The following PRR5L variants were observed in gnomAD, a reference collection of about 807,000 sequenced individuals.
PRR5L encodes proline-rich protein 5-like.
A neutral mutation model predicts 36.4 loss-of-function variants in PRR5L; 21 were observed. The ratio of observed to expected loss-of-function variants is 0.58; its 90% CI spans 0.41 to 0.83. PRR5L has a LOEUF of 0.83. Among genes scored for constraint, PRR5L ranks in the 40% least tolerant of loss-of-function variants. The pLI is 0.00. For synonymous variants in PRR5L, 188 were observed against 197.0 expected (o/e 0.95, Z 0.38); for missense variants, 381 against 473.3 (o/e 0.80, Z 1.81).
chr11:36,432,715 G>A (rs986112637), intron 5 of PRR5L, among the ~76,000 whole-genome samples: 3 of 152,066 alleles, frequency 2.0e-5, no homozygotes, highest in Non-Finnish European at 2.9e-5. Flanking sequence ...CGAACATACC[G>A]GACCCTTTCT....
chr11:36,397,102 C>G (rs1811609208), intron 1 of PRR5L, among the ~76,000 whole-genome samples: 1 of 141,592 alleles, frequency 7.1e-6, no homozygotes, highest in Non-Finnish European at 1.5e-5. Flanking sequence ...GAGTCTTGCT[C>G]TGTTGCCCAG....
intron 1 of PRR5L, among the ~76,000 whole-genome samples, chr11:36,360,054 CACACACACAT>C (rs1857069349): frequency 1.7e-5 from 2 of 114,344 alleles, no homozygotes; most frequent in African/African-American, 3.6e-5. Context: ...CACACACACA[CACACACACAT>C]ACACACACAC....
At chr11:36,446,972 T>A (rs879285177) in intron 7 of PRR5L, among the ~76,000 whole-genome samples, 1 of 152,176 alleles carries the variant, frequency 6.6e-6, no homozygotes, top group Non-Finnish European at 1.5e-5. Context: ...GGTCTTTTTC[T>A]CCCTGCAGGC....
At chr11:36,411,586 A>C (rs929277428) in intron 3 of PRR5L, among the ~76,000 whole-genome samples, 7 of 151,778 alleles carry the variant, frequency 4.6e-5, no homozygotes, top group African/African-American at 1.7e-4. Flanking sequence ...CCCTTTTTCT[A>C]GCTCAGTGGC....
intron 8 of PRR5L, among the ~76,000 whole-genome samples, chr11:36,457,846 C>T (rs1001393483): frequency 2.6e-5 from 4 of 152,152 alleles, no homozygotes; most frequent in African/African-American, 9.7e-5. Flanking sequence ...GGTTTCCCAA[C>T]AGCAATCTGA....
At chr11:36,324,323 A>G (rs1856639899) in intron 1 of PRR5L, among the ~76,000 whole-genome samples, 1 of 152,204 alleles carries the variant, frequency 6.6e-6, no homozygotes, top group African/African-American at 2.4e-5. Flanking sequence ...AATTTAGATA[A>G]TGTTAAAGAA....
intron 6 of PRR5L, among the ~76,000 whole-genome samples, chr11:36,443,207 G>A (rs184632822): frequency 9.9e-4 from 151 of 152,266 alleles, no homozygotes; most frequent in Admixed American, 1.6e-3. Flanking sequence ...ATGGGGAGCC[G>A]GTGTATCACA....
chr11:36,314,451 T>C (rs1195056302), intron 1 of PRR5L, among the ~76,000 whole-genome samples: 2 of 152,314 alleles, frequency 1.3e-5, no homozygotes, highest in East Asian at 3.9e-4. Context: ...ATATTGCACA[T>C]ACTTCAACAC....
At chr11:36,389,042 G>A (rs1487644949) in intron 1 of PRR5L, among the ~76,000 whole-genome samples, 2 of 152,164 alleles carry the variant, frequency 1.3e-5, no homozygotes, top group Non-Finnish European at 2.9e-5. Flanking sequence ...TCCAGTATAT[G>A]GGACACCATA....
At chr11:36,450,372 G>T (rs191135595) in intron 7 of PRR5L, among the ~76,000 whole-genome samples, 63 of 152,336 alleles carry the variant, frequency 4.1e-4, no homozygotes, top group African/African-American at 1.5e-3. Flanking sequence ...CTGCCAGGTG[G>T]TCTTTGCTTC....
intron 3 of PRR5L, among the ~76,000 whole-genome samples, chr11:36,413,205 C>G (rs1012247018): frequency 1.3e-5 from 2 of 152,222 alleles, no homozygotes; most frequent in African/African-American, 4.8e-5. Context: ...GCCAGCACTG[C>G]TGGGGACTCC....
intron 8 of PRR5L, 78 bp downstream of exon 8, chr11:36,451,413 C>A: frequency 6.5e-7 from 1 of 1,529,764 alleles, no homozygotes; most frequent in Non-Finnish European, 9.0e-7. Flanking sequence ...CACTGTTTAA[C>A]TGAGCACTGA....
chr11:36,335,553 G>T (rs1009478968), intron 1 of PRR5L, among the ~76,000 whole-genome samples: 2 of 152,068 alleles, frequency 1.3e-5, no homozygotes, highest in Admixed American at 6.5e-5. Context: ...TGTGCAGCAG[G>T]CTCCAGGGAA....
chr11:36,359,992 A>C (rs866369973), intron 1 of PRR5L, among the ~76,000 whole-genome samples: 2 of 151,468 alleles, frequency 1.3e-5, no homozygotes, highest in Non-Finnish European at 2.9e-5. Flanking sequence ...AGCCGAGATC[A>C]TGCCACTGCA....
At position 36,401,227 on chromosome 11, in the gene PRR5L, C is replaced by A. The variant is rs753737289; in HGVS notation, c.106C>A (p.Pro36Thr). 17 of 1,613,782 alleles carry A rather than the reference C, an allele frequency of 1.1e-5. No homozygotes were observed. The highest frequency in any genetic ancestry group is 1.3e-5 in the Non-Finnish European group (15 of 1,179,994). The change falls in exon 2 of 9, where the codon CCC becomes ACC. Residue 36 changes from proline to threonine, a missense_variant. Pro to Thr is a conservative substitution (Grantham distance 38). Transcript: ENST00000530639. ...FMSSPVLSDLPRFQAARQALQ... is the reference protein window; with the variant it reads ...FMSSPVLSDLTRFQAARQALQ... The stretch of plus-strand genomic sequence containing the variant: ...GAGCTCCCCCGTGCTCAGCGACCTT[C>A]CCCGATTCCAAGCAGCTCGGCAGGC...
intron 1 of PRR5L, among the ~76,000 whole-genome samples, chr11:36,391,547 C>T (rs187378006): frequency 7.3e-6 from 1 of 137,058 alleles, no homozygotes; most frequent in East Asian, 2.0e-4. Flanking sequence ...TGAAGTTAAC[C>T]CTTTCAGCAC....
intron 1 of PRR5L, among the ~76,000 whole-genome samples, chr11:36,346,349 T>C (rs1246994745): frequency 6.6e-6 from 1 of 152,066 alleles, no homozygotes; most frequent in Non-Finnish European, 1.5e-5. Flanking sequence ...TTTGGGAGGC[T>C]GAGGCGGGTG....
intron 4 of PRR5L, among the ~76,000 whole-genome samples, chr11:36,424,665 AC>A (rs1420132833): frequency 2.6e-5 from 4 of 152,172 alleles, no homozygotes; most frequent in Non-Finnish European, 4.4e-5. Context: ...AATGGTAGTG[AC>A]GGCTAACATT....
intron 1 of PRR5L, among the ~76,000 whole-genome samples, chr11:36,299,285 T>C (rs1046710793): frequency 1.3e-5 from 2 of 152,176 alleles, no homozygotes; most frequent in Non-Finnish European, 2.9e-5. Context: ...ACAGACATGA[T>C]TCAGACATCA....
Sources: gnomAD v4.1 joint callset for allele counts (sites outside exome capture counted in the v4.1 genomes callset) on GRCh38, gnomAD v4.1.1 for gene constraint, MANE v1.5 for transcripts, NCBI Gene and HGNC (gene_info 2026-07-23, HGNC 2026-07-21) for gene names.